The following OSBPL1A variants were observed in gnomAD, a reference collection of about 807,000 sequenced individuals.
OSBPL1A encodes the protein oxysterol-binding protein-related protein 1.
In OSBPL1A, 80 loss-of-function variants were observed where a neutral mutation model predicts 137.1. The observed-to-expected ratio is 0.58, with a 90% CI of 0.49 to 0.70. The LOEUF is 0.70. Ranked by LOEUF, OSBPL1A falls within the 30% of genes least tolerant of loss-of-function variation. The pLI, the probability that OSBPL1A is intolerant of heterozygous loss-of-function variation, is 0.00. For missense variants in OSBPL1A, 970 were observed against 1,129.4 expected, an observed-to-expected ratio of 0.86 and a Z score of 2.02; for synonymous variants, 365 against 389.7, an observed-to-expected ratio of 0.94 and a Z score of 0.75.
intron 18 of OSBPL1A, among the ~76,000 whole-genome samples, chr18:24,190,521 G>A (rs541062816): frequency 6.6e-6 from 1 of 152,054 alleles, no homozygotes; most frequent in Non-Finnish European, 1.5e-5. Context: ...CTTACATTAG[G>A]GCTCCTTGAC....
At chr18:24,270,477 GTT>G (rs1176611263) in intron 15 of OSBPL1A, among the ~76,000 whole-genome samples, 4 of 152,110 alleles carry the variant, frequency 2.6e-5, no homozygotes, top group Non-Finnish European at 5.9e-5. Context: ...CCTTTAAAGG[GTT>G]TTTAAAGAGG....
chr18:24,326,115 A>C (rs77904799), intron 7 of OSBPL1A, among the ~76,000 whole-genome samples: 1 of 152,204 alleles, frequency 6.6e-6, no homozygotes, highest in East Asian at 1.9e-4. Flanking sequence ...AGAAAAAAAA[A>C]CATACAGAAT....
At chr18:24,298,839 G>A (rs951729806) in intron 14 of OSBPL1A, among the ~76,000 whole-genome samples, 9 of 152,268 alleles carry the variant, frequency 5.9e-5, no homozygotes, top group Admixed American at 5.9e-4. Flanking sequence ...ACTGAAGTTC[G>A]CACTATTACC....
intron 4 of OSBPL1A, among the ~76,000 whole-genome samples, chr18:24,342,255 C>G (rs2091284823): frequency 6.6e-6 from 1 of 152,090 alleles, no homozygotes; most frequent in African/African-American, 2.4e-5. Context: ...TTTATTTACT[C>G]TAAGTGGCTA....
intron 14 of OSBPL1A, among the ~76,000 whole-genome samples, chr18:24,283,281 A>AAAAAAAAAAAAAATATAT (rs1246058393): frequency 1.3e-5 from 1 of 78,376 alleles, no homozygotes; most frequent in African/African-American, 5.3e-5. Context: ...AAAAAAAAAA[A>AAAAAAAAAAAAAATATAT]ATATATATAT....
chr18:24,303,664 T>C lies in OSBPL1A; in HGVS notation c.1147A>G (p.Met383Val). The change falls in exon 14 of 28, where the codon ATG becomes GTG. Residue 383 changes from methionine to valine, a missense_variant. By Grantham distance (21) the Met-to-Val change is conservative. Around this residue, in one of 2 missense-constraint regions of OSBPL1A, gnomAD observed 647 missense variants for 672.6 expected, o/e 0.96. Transcript: ENST00000319481. ...TTAGCCATGTCACACTCCTTAATCATTTTGAGAAAGTTGGAAATTTCCCTA... is the reference window on the plus strand; with the variant it reads ...TTAGCCATGTCACACTCCTTAATCACTTTGAGAAAGTTGGAAATTTCCCTA... ...LDREISNFLK[M>V]IKECDMAKEM... The C allele has an allele frequency of 1.2e-6, 2 of 1,613,604 alleles. No individual in the cohort carries two copies. The highest frequency in any genetic ancestry group is 1.7e-6 in the Non-Finnish European group (2 of 1,179,700).
chr18:24,384,736 G>A (rs935236859), intron 1 of OSBPL1A, among the ~76,000 whole-genome samples: 1 of 151,860 alleles, frequency 6.6e-6, no homozygotes, highest in South Asian at 2.1e-4. Context: ...CAAGCGTGGT[G>A]GTGGGCCCCT....
intron 2 of OSBPL1A, among the ~76,000 whole-genome samples, chr18:24,373,500 C>A (rs1905838441): frequency 6.6e-6 from 1 of 152,156 alleles, no homozygotes; most frequent in South Asian, 2.1e-4. Flanking sequence ...TGAACACATA[C>A]TTGTAACACA....
chr18:24,198,079 C>T (rs377678969), intron 17 of OSBPL1A, among the ~76,000 whole-genome samples: 14 of 152,260 alleles, frequency 9.2e-5, no homozygotes, highest in African/African-American at 2.9e-4. Context: ...TGAGCTACCG[C>T]GCCCAGCCAA....
chr18:24,382,814 T>C (rs184818107), intron 1 of OSBPL1A, among the ~76,000 whole-genome samples: 82 of 152,080 alleles, frequency 5.4e-4, no homozygotes, highest in Non-Finnish European at 9.6e-4. Flanking sequence ...AAGTTGAGAC[T>C]GCAGTGAGCT....
intron 7 of OSBPL1A, among the ~76,000 whole-genome samples, chr18:24,330,133 G>T (rs757085611): frequency 3.3e-5 from 5 of 151,960 alleles, no homozygotes; most frequent in Admixed American, 6.6e-5. Flanking sequence ...AATGTGTCTT[G>T]CTCCTTGAAA....
At chr18:24,303,957 G>A (rs1251165854) in intron 13 of OSBPL1A, among the ~76,000 whole-genome samples, 4 of 152,244 alleles carry the variant, frequency 2.6e-5, no homozygotes, top group South Asian at 2.1e-4. Context: ...CATCTGTTGT[G>A]TAGATACCAT....
At chr18:24,196,612 G>A (rs2087040509) in intron 17 of OSBPL1A, among the ~76,000 whole-genome samples, 1 of 152,136 alleles carries the variant, frequency 6.6e-6, no homozygotes, top group Non-Finnish European at 1.5e-5. Context: ...TAAACAAAAT[G>A]CCATCACAAA....
At chr18:24,168,492 C>T (rs907405929) in intron 24 of OSBPL1A, among the ~76,000 whole-genome samples, 2 of 152,200 alleles carry the variant, frequency 1.3e-5, no homozygotes, top group South Asian at 2.1e-4. Context: ...CCCCTCTCCG[C>T]GGCCCAGCTA....
chr18:24,322,276 AT>A lies in OSBPL1A; in HGVS notation c.626-3468del, dbSNP rs558024959. ...AGGCGCCCACCATCACGCCCGGCTA[AT>A]TTTTTGTATTTGTTTTTTTTTTTTT... On this transcript the variant is annotated intron_variant, in intron 7 of 27. Transcript: ENST00000319481. Among the ~76,000 whole-genome samples the A allele has an allele frequency of 8.5e-5, 12 of 141,332 alleles. No homozygotes were observed. The South Asian group carries it at 2.2e-3, about 26-fold the overall frequency. The allele number at this position is 141,332 out of a possible 152,430, so 92.7% of individuals were successfully genotyped here.
At chr18:24,346,610 A>G (rs1358525886) in intron 4 of OSBPL1A, among the ~76,000 whole-genome samples, 5 of 152,170 alleles carry the variant, frequency 3.3e-5, no homozygotes, top group African/African-American at 1.2e-4. Flanking sequence ...CATGTTCTCA[A>G]GGTTCATTTA....
chr18:24,359,494 C>T (rs1297632181), intron 4 of OSBPL1A, among the ~76,000 whole-genome samples: 2 of 151,842 alleles, frequency 1.3e-5, no homozygotes, highest in Non-Finnish European at 2.9e-5. Context: ...AGGTTCAAGA[C>T]CAGCCTGGGC....
intron 15 of OSBPL1A, among the ~76,000 whole-genome samples, chr18:24,243,757 TGA>T (rs1189122609): frequency 6.6e-6 from 1 of 152,216 alleles, no homozygotes; most frequent in Non-Finnish European, 1.5e-5. Context: ...TCAATTGATC[TGA>T]GTGTACTTTT....
intron 11 of OSBPL1A, among the ~76,000 whole-genome samples, chr18:24,315,255 T>C (rs911612288): frequency 1.3e-5 from 2 of 152,132 alleles, no homozygotes; most frequent in Middle Eastern, 3.4e-3. Flanking sequence ...CTTTGGACAT[T>C]AATAAAGCAA....
Sources: gnomAD v4.1 joint callset for allele counts (sites outside exome capture counted in the v4.1 genomes callset) on GRCh38, gnomAD v4.1.1 for gene constraint, gnomAD v4.1.1 regional missense constraint, MANE v1.5 for transcripts, NCBI Gene and HGNC (gene_info 2026-07-23, HGNC 2026-07-21) for gene names.